PAK5: variants seen among roughly 807,000 people sequenced by gnomAD.
PAK5 encodes serine/threonine-protein kinase PAK 5.
A neutral mutation model predicts 65.9 loss-of-function variants in PAK5; 16 were observed. That is an observed-to-expected ratio of 0.24 (90% CI 0.16 to 0.37). The LOEUF is 0.37. Among genes scored for constraint, PAK5 ranks in the 10% least tolerant of loss-of-function variants. The pLI, the probability that PAK5 is intolerant of heterozygous loss-of-function variation, is 1.00. For synonymous variants in PAK5, 371 were observed against 354.9 expected, an observed-to-expected ratio of 1.05 and a Z score of -0.51; for missense variants, 785 against 903.9, an observed-to-expected ratio of 0.87 and a Z score of 1.69.
chr20:9,675,646 AT>A lies in PAK5; in HGVS notation c.-11-31308del, dbSNP rs545936808. On this transcript the variant is annotated intron_variant, in intron 2 of 9. Coordinates refer to ENST00000353224, the MANE Select transcript of PAK5 (RefSeq NM_177990.4). ...GTGCATGGCACCATACCCAGCTCCA[AT>A]TAATAATTAATTGTTCCAAATATTC... 4.0e-3 allele frequency among the ~76,000 whole-genome samples: 611 copies of A among 152,284 alleles called. 5 individuals carry two copies. The highest frequency in any genetic ancestry group is 0.014 in the African/African-American group (583 of 41,558).
chr20:9,680,873 G>A (rs192554528), intron 2 of PAK5, among the ~76,000 whole-genome samples: 5 of 152,322 alleles, frequency 3.3e-5, no homozygotes, highest in African/African-American at 1.2e-4. Flanking sequence ...AATATTTTAT[G>A]TCCACTTCAG....
chr20:9,608,121 G>A (rs2046488982), intron 3 of PAK5, among the ~76,000 whole-genome samples: 1 of 152,120 alleles, frequency 6.6e-6, no homozygotes, highest in Admixed American at 6.6e-5. Flanking sequence ...CCATTCATAA[G>A]GGCTCTGCCC....
At chr20:9,784,125 T>C (rs932726045) in intron 1 of PAK5, among the ~76,000 whole-genome samples, 7 of 152,146 alleles carry the variant, frequency 4.6e-5, no homozygotes, top group East Asian at 1.9e-4. Context: ...TCAGAATAGA[T>C]AAAATAGGTT....
At position 9,603,870 on chromosome 20, in the gene PAK5, G is replaced by A. The variant is rs80131878; in HGVS notation, c.205-22940C>T. On this transcript the variant is annotated intron_variant, in intron 3 of 9. Transcript: ENST00000353224. ...AAAGCTGTGCCTCTGAACCCAGGCCGTCTAGCTACAGAACCCACATCTTCA... is the reference window on the plus strand; with the variant it reads ...AAAGCTGTGCCTCTGAACCCAGGCCATCTAGCTACAGAACCCACATCTTCA... Among the ~76,000 whole-genome samples, 1,019 of 152,198 alleles carry A rather than the reference G, an allele frequency of 6.7e-3. 16 individuals carry two copies. The highest frequency in any genetic ancestry group is 0.024 in the African/African-American group (976 of 41,506).
chr20:9,753,649 G>T (rs1488616342), intron 1 of PAK5, among the ~76,000 whole-genome samples: 4 of 152,096 alleles, frequency 2.6e-5, no homozygotes, highest in African/African-American at 9.7e-5. Flanking sequence ...TGTATGAAAT[G>T]TGATAGCCCA....
chr20:9,762,905 T>C (rs1347797049), intron 1 of PAK5, among the ~76,000 whole-genome samples: 2 of 152,122 alleles, frequency 1.3e-5, no homozygotes, highest in East Asian at 3.9e-4. Flanking sequence ...AACTGTGGTG[T>C]ATATGCATAA....
intron 1 of PAK5, among the ~76,000 whole-genome samples, chr20:9,754,275 A>C (rs2048608387): frequency 6.6e-6 from 1 of 152,098 alleles, no homozygotes; most frequent in South Asian, 2.1e-4. Context: ...AATTCACCTT[A>C]TTGCTACTTA....
At chr20:9,714,409 A>G (rs1001192843) in intron 1 of PAK5, among the ~76,000 whole-genome samples, 4 of 152,082 alleles carry the variant, frequency 2.6e-5, no homozygotes, top group African/African-American at 9.7e-5. Flanking sequence ...AGTTCCTTGT[A>G]TTTTCTGTAA....
At chr20:9,773,039 C>A (rs1195494699) in intron 1 of PAK5, among the ~76,000 whole-genome samples, 2 of 152,138 alleles carry the variant, frequency 1.3e-5, no homozygotes, top group Non-Finnish European at 2.9e-5. Context: ...TCAAACTTCT[C>A]ACTCTTCAAA....
At chr20:9,662,396 T>C (rs981810854) in intron 2 of PAK5, among the ~76,000 whole-genome samples, 2 of 152,068 alleles carry the variant, frequency 1.3e-5, no homozygotes, top group African/African-American at 4.8e-5. Flanking sequence ...CCCCTTTCTG[T>C]AATCTGGAAC....
intron 2 of PAK5, among the ~76,000 whole-genome samples, chr20:9,680,179 G>A (rs1352788125): frequency 1.3e-5 from 2 of 152,294 alleles, no homozygotes; most frequent in African/African-American, 4.8e-5. Context: ...TCATGTGCCA[G>A]GTGCTATGCC....
intron 2 of PAK5, among the ~76,000 whole-genome samples, chr20:9,651,444 A>C (rs1026196534): frequency 5.3e-5 from 8 of 152,178 alleles, no homozygotes; most frequent in Admixed American, 2.6e-4. Context: ...CCCCTATTAC[A>C]AATTGAGAAG....
chr20:9,766,356 A>AATATAT lies in PAK5; in HGVS notation c.-161-54927_-161-54922dup, dbSNP rs201007922. On this transcript the variant is annotated intron_variant, in intron 1 of 9. Coordinates refer to ENST00000353224, the MANE Select transcript of PAK5 (RefSeq NM_177990.4). ...TGAATATATATATTCTACTTACTTG[A>AATATAT]ATATATATATATATTCAAGCAGAAT... 1.6e-4 allele frequency among the ~76,000 whole-genome samples: 7 copies of AATATAT among 42,434 alleles called. 2 individuals carry two copies. The highest frequency in any genetic ancestry group is 5.7e-4 in the Admixed American group (2 of 3,482). 27.8% of individuals were successfully genotyped at this position (42,434 alleles called of 152,430 possible).
chr20:9,685,058 T>G (rs1019572019), intron 2 of PAK5, among the ~76,000 whole-genome samples: 22 of 152,244 alleles, frequency 1.4e-4, no homozygotes, highest in African/African-American at 4.8e-4. Context: ...TATAGCTTGA[T>G]TCTAACATCT....
chr20:9,546,394 C>T (rs2045345176), intron 7 of PAK5, among the ~76,000 whole-genome samples: 1 of 152,142 alleles, frequency 6.6e-6, no homozygotes, highest in Admixed American at 6.5e-5. Context: ...TAAAAATTTA[C>T]ACAGTGTGAA....
intron 1 of PAK5, among the ~76,000 whole-genome samples, chr20:9,756,577 A>C (rs2048636822): frequency 6.6e-6 from 1 of 152,174 alleles, no homozygotes; most frequent in South Asian, 2.1e-4. Flanking sequence ...AAGTTCTGGG[A>C]CAAAAAGTGA....
intron 7 of PAK5, among the ~76,000 whole-genome samples, chr20:9,550,717 GA>G (rs2045413329): frequency 7.2e-6 from 1 of 138,802 alleles, no homozygotes; most frequent in African/African-American, 2.7e-5. Flanking sequence ...AGGAAGCATA[GA>G]AACCATAATT....
intron 1 of PAK5, among the ~76,000 whole-genome samples, chr20:9,715,121 G>A (rs75167471): frequency 0.18 from 27,594 of 152,022 alleles, 2,694 homozygotes; most frequent in East Asian, 0.35. Context: ...CTACAGAATC[G>A]GAGAAAAATT....
intron 3 of PAK5, among the ~76,000 whole-genome samples, chr20:9,582,114 CA>C (rs1340926305): frequency 6.6e-6 from 1 of 152,114 alleles, no homozygotes; most frequent in African/African-American, 2.4e-5. Flanking sequence ...AGAGAAGTTG[CA>C]AAGAGAATAC....
Sources: allele counts gnomAD v4.1 joint callset (sites outside exome capture counted in the v4.1 genomes callset), GRCh38; gene constraint gnomAD v4.1.1; transcripts MANE v1.5; gene names NCBI Gene and HGNC (gene_info 2026-07-23, HGNC 2026-07-21).